Variants in NEK10 observed in about 807,000 individuals in gnomAD.
NEK10 encodes NIMA related kinase 10.
A neutral mutation model predicts 159.8 loss-of-function variants in NEK10; 122 were observed. That is an observed-to-expected ratio of 0.76 (90% CI 0.66 to 0.89). The LOEUF (loss-of-function observed/expected upper bound fraction) is 0.89, where lower values mean the gene tolerates loss of function less well. Ranked by LOEUF, NEK10 falls within the 40% of genes least tolerant of loss-of-function variation. NEK10 has a pLI of 0.00. For missense variants in NEK10, 1,342 were observed against 1,323.1 expected (o/e 1.01, Z -0.22); for synonymous variants, 466 against 457.1 (o/e 1.02, Z -0.25).
chr3:27,137,296 A>G (rs1229363788), intron 31 of NEK10, among the ~76,000 whole-genome samples: 1 of 152,186 alleles, frequency 6.6e-6, no homozygotes, highest in African/African-American at 2.4e-5. Flanking sequence ...ATAATAAGAT[A>G]TTTATAATAG....
rs1452162368 is a variant in NEK10, at chr3:27,156,945, T to C, written c.2869+5756A>G. Among the ~76,000 whole-genome samples, 56 of 101,476 alleles carry C rather than the reference T, an allele frequency of 5.5e-4. 1 individual carries two copies. The highest frequency in any genetic ancestry group is 2.2e-3 in the African/African-American group (55 of 25,440). The allele number at this position is 101,476 out of a possible 152,430, so 66.6% of individuals were successfully genotyped here. A position where few individuals can be genotyped will look rare whatever the true frequency, so the allele number is the denominator to read the frequency against. On this transcript the variant is annotated intron_variant, in intron 30 of 35. Coordinates refer to ENST00000691995, the MANE Select transcript of NEK10 (RefSeq NM_001394966.1). ...AAAGAAACTGATATATATATATATATATATATATATATATATATATATATA... is the reference window on the plus strand; with the variant it reads ...AAAGAAACTGATATATATATATATACATATATATATATATATATATATATA...
At chr3:27,272,645 A>C (rs1438606702) in intron 22 of NEK10, among the ~76,000 whole-genome samples, 2 of 152,142 alleles carry the variant, frequency 1.3e-5, no homozygotes, top group Non-Finnish European at 2.9e-5. Context: ...CAGCTGCCTT[A>C]TCTGGACTTC....
At chr3:27,316,606 G>A (rs959622052) in intron 6 of NEK10, among the ~76,000 whole-genome samples, 10 of 152,130 alleles carry the variant, frequency 6.6e-5, no homozygotes, top group African/African-American at 2.4e-4. Context: ...AAGACACCAA[G>A]GAAGAGAATA....
At chr3:27,365,599 T>G (rs1228258885) in intron 1 of NEK10, among the ~76,000 whole-genome samples, 16 of 101,008 alleles carry the variant, frequency 1.6e-4, no homozygotes, top group African/African-American at 5.6e-4. Context: ...TTTTTTGTGT[T>G]TTTTTTTTGT....
chr3:27,178,890 C>T lies in NEK10; in HGVS notation c.2506-4057G>A, dbSNP rs149062934. Among the ~76,000 whole-genome samples, 781 of 152,270 alleles carry T rather than the reference C, an allele frequency of 5.1e-3. 6 individuals carry two copies. The highest frequency in any genetic ancestry group is 0.018 in the African/African-American group (757 of 41,542). ...GCCTGGAGCCTGGTCCCACCCCCTA[C>T]CCAGTGGTAGATGGAAATCTTTAAT... On this transcript the variant is annotated intron_variant, in intron 26 of 35. Coordinates refer to ENST00000691995, the MANE Select transcript of NEK10 (RefSeq NM_001394966.1).
chr3:27,212,934 C>A (rs1447216554), intron 23 of NEK10, among the ~76,000 whole-genome samples: 6 of 152,178 alleles, frequency 3.9e-5, no homozygotes, highest in Non-Finnish European at 8.8e-5. Flanking sequence ...CTTCCTAGAA[C>A]TAAATTAAAT....
intron 9 of NEK10, 92 bp from the exon 10 acceptor site, chr3:27,309,097 G>T: frequency 3.2e-6 from 2 of 629,094 alleles, no homozygotes; most frequent in Non-Finnish European, 5.6e-6. Context: ...ATTACCAGCT[G>T]CTTGAATGAC....
intron 11 of NEK10, among the ~76,000 whole-genome samples, chr3:27,307,351 T>C (rs2044323388): frequency 6.6e-6 from 1 of 152,210 alleles, no homozygotes; most frequent in Non-Finnish European, 1.5e-5. Flanking sequence ...TACAATCTAA[T>C]AACTATCTGG....
intron 32 of NEK10, among the ~76,000 whole-genome samples, chr3:27,124,705 G>A (rs984327809): frequency 6.6e-6 from 1 of 152,182 alleles, no homozygotes; most frequent in Non-Finnish European, 1.5e-5. Flanking sequence ...ATTAGCTGAA[G>A]GAAAACGGAT....
chr3:27,167,200 T>C (rs1308097227), intron 29 of NEK10, among the ~76,000 whole-genome samples: 3 of 152,084 alleles, frequency 2.0e-5, no homozygotes, highest in Non-Finnish European at 2.9e-5. Context: ...GCTGTGGCTA[T>C]GGCAAAGGCT....
At chr3:27,117,656 C>T (rs1940666139) in intron 33 of NEK10, among the ~76,000 whole-genome samples, 3 of 152,138 alleles carry the variant, frequency 2.0e-5, no homozygotes, top group South Asian at 4.1e-4. Context: ...ATGTCCTTTG[C>T]CTACTTTTTA....
At chr3:27,232,074 G>A (rs1235820080) in intron 23 of NEK10, among the ~76,000 whole-genome samples, 1 of 151,620 alleles carries the variant, frequency 6.6e-6, no homozygotes, top group Admixed American at 6.6e-5. Context: ...GAATATAGAT[G>A]GAAAACTTCT....
intron 31 of NEK10, among the ~76,000 whole-genome samples, chr3:27,137,776 C>T (rs1943371354): frequency 6.6e-6 from 1 of 152,122 alleles, no homozygotes; most frequent in Non-Finnish European, 1.5e-5. Flanking sequence ...AAAAGAACAC[C>T]AGAGTTTGGA....
intron 31 of NEK10, among the ~76,000 whole-genome samples, chr3:27,139,061 G>A (rs1943516979): frequency 6.6e-6 from 1 of 152,152 alleles, no homozygotes; most frequent in South Asian, 2.1e-4. Context: ...GCTTTCTTCT[G>A]CTACAGTGCT....
chr3:27,323,267 G>T (rs1219194680), intron 5 of NEK10, among the ~76,000 whole-genome samples: 2 of 152,164 alleles, frequency 1.3e-5, no homozygotes, highest in African/African-American at 4.8e-5. Flanking sequence ...TGAGGCAAGG[G>T]CACTGGGCTT....
At chr3:27,356,874 G>C (rs1426877868) in intron 1 of NEK10, among the ~76,000 whole-genome samples, 2 of 152,130 alleles carry the variant, frequency 1.3e-5, no homozygotes, top group Non-Finnish European at 2.9e-5. Flanking sequence ...CTATGGCAGG[G>C]ACTGTGTCTG....
intron 22 of NEK10, among the ~76,000 whole-genome samples, chr3:27,277,032 G>C (rs937158188): frequency 6.6e-6 from 1 of 152,126 alleles, no homozygotes; most frequent in Non-Finnish European, 1.5e-5. Context: ...GACCTTCTTT[G>C]GAAGATTTTC....
At chr3:27,209,510 A>G (rs1340915443) in intron 23 of NEK10, among the ~76,000 whole-genome samples, 1 of 152,258 alleles carries the variant, frequency 6.6e-6, no homozygotes, top group Non-Finnish European at 1.5e-5. Context: ...AATGATTTAA[A>G]AGCTCTTTAA....
At chr3:27,234,666 A>G (rs1265531893) in intron 23 of NEK10, among the ~76,000 whole-genome samples, 1 of 152,222 alleles carries the variant, frequency 6.6e-6, no homozygotes, top group Non-Finnish European at 1.5e-5. Flanking sequence ...AAGAATCAAT[A>G]CTGTGAAAAT....
Sources: gnomAD v4.1 joint callset for allele counts (sites outside exome capture counted in the v4.1 genomes callset) on GRCh38, gnomAD v4.1.1 for gene constraint, MANE v1.5 for transcripts, NCBI Gene and HGNC (gene_info 2026-07-23, HGNC 2026-07-21) for gene names.